CDHR2: variants seen among roughly 807,000 people sequenced by gnomAD.
The protein encoded by CDHR2 is cadherin-related family member 2.
In CDHR2, 104 loss-of-function variants were observed where a neutral mutation model predicts 138.6. The ratio of observed to expected loss-of-function variants is 0.75; its 90% confidence interval spans 0.64 to 0.88. The LOEUF is 0.88. Ranked by LOEUF, CDHR2 falls within the 40% of genes least tolerant of loss-of-function variation. CDHR2 has a pLI of 0.00. For missense variants in CDHR2, 1,624 were observed against 1,727.6 expected, an observed-to-expected ratio of 0.94 and a Z score of 1.06; for synonymous variants, 755 against 742.8, an observed-to-expected ratio of 1.02 and a Z score of -0.27.
intron 14 of CDHR2, 56 bp downstream of exon 14, chr5:176,577,854 G>T (rs1758432051): frequency 2.2e-5 from 33 of 1,529,810 alleles, no homozygotes; most frequent in Non-Finnish European, 2.9e-5. Context: ...GCGTGCATGT[G>T]TGAGTGTGAG....
Position 176,568,803 on chromosome 5 carries a change from G to A in CDHR2, c.250G>A (p.Ala84Thr), listed in dbSNP as rs373225847. Reference protein sequence around the residue: ...PKTGEVKLASALDYETLYTFK... With the variant: ...PKTGEVKLASTLDYETLYTFK... The stretch of plus-strand genomic sequence containing the variant: ...AACTGGGGAAGTGAAGCTGGCCAGC[G>A]CTCTGGACTACGAGGTAAAGAGCAT... Residue 84 changes from alanine to threonine, a missense_variant, in exon 4 of 32, where the codon GCT (alanine) becomes ACT (threonine). Ala to Thr is a moderately conservative substitution (Grantham distance 58). This residue lies in a region of CDHR2 where 1,061 missense variants were observed against 1,136.6 expected (regional missense o/e 0.93). Transcript: ENST00000261944. 34 of 1,614,042 alleles carry A rather than the reference G, an allele frequency of 2.1e-5. No individual in the cohort carries two copies. The African/African-American group carries it at 3.2e-4, about 15-fold the overall frequency.
rs747704946 is a variant in CDHR2, at chr5:176,575,394, T to A, written c.736T>A (p.Tyr246Asn). 4 of 1,614,224 alleles carry A rather than the reference T, an allele frequency of 2.5e-6. No individual in the cohort carries two copies. Among genetic ancestry groups the A allele is most frequent in the Non-Finnish European group, 3.4e-6 (4 of 1,180,040 alleles). The change falls in exon 9 of 32, where the codon TAC becomes AAC. Residue 246 changes from tyrosine (Y) to asparagine (N), a missense_variant. By Grantham distance (143) the Tyr-to-Asn change is moderately radical. Around this residue, in one of 3 missense-constraint regions of CDHR2, gnomAD observed 1,061 missense variants for 1,136.6 expected, o/e 0.93. Transcript: ENST00000261944. ...TGACCCCCAGTTTGTCAGGGAGTTTTACTCGGCCTCTGTGGCTGAGGATGC... is the reference window on the plus strand; with the variant it reads ...TGACCCCCAGTTTGTCAGGGAGTTTAACTCGGCCTCTGTGGCTGAGGATGC... Reference protein sequence around the residue: ...DLDPQFVREFYSASVAEDAAK... With the variant: ...DLDPQFVREFNSASVAEDAAK...
At position 176,574,076 on chromosome 5, in the gene CDHR2, C is replaced by T. The variant is rs1758297694; in HGVS notation, c.406-7C>T. 6.2e-7 allele frequency: 1 copy of T among 1,612,340 alleles called. No homozygotes were observed. The highest frequency in any genetic ancestry group is 1.7e-4 in the Middle Eastern group (1 of 6,058). On this transcript the variant is annotated splice_polypyrimidine_tract_variant and splice_region_variant and intron_variant, in intron 6 of 31. Coordinates refer to ENST00000261944, the MANE Select transcript of CDHR2 (RefSeq NM_017675.6). ...TGAGCTCATAGGTGACGAGTCCCTC[C>T]CTGCAGACCCTGCCCGTGGGCAGTG...
exon 1 of CDHR2, chr5:176,542,602 C>T (rs1283065159): frequency 6.6e-6 from 1 of 152,182 alleles, no homozygotes; most frequent in Non-Finnish European, 1.5e-5. Flanking sequence ...CAAGTCTACC[C>T]GAATCCCCCA....
At position 176,586,857 on chromosome 5, in the gene CDHR2, C is replaced by G. The variant is rs1758684258; in HGVS notation, c.2856+15C>G. The stretch of plus-strand genomic sequence containing the variant: ...CTTCTGTCCGGGTAAGTTCTTGGCT[C>G]CAGCCTTTGTTGGTCATATGAGCCC... On this transcript the variant is annotated intron_variant, in intron 21 of 31. Transcript: ENST00000261944. The G allele has an allele frequency of 6.2e-7, 1 of 1,604,884 alleles. No homozygotes were observed. The highest frequency in any genetic ancestry group is 1.1e-5 in the South Asian group (1 of 89,120).
rs941027858 is a variant in CDHR2 at position 176,568,794 on chromosome 5, C to G, written c.241C>G (p.Leu81Val). The change falls in exon 4 of 32, where the codon CTG becomes GTG. Residue 81 changes from leucine to valine, a missense_variant. Around this residue, in one of 3 missense-constraint regions of CDHR2, gnomAD observed 1,061 missense variants for 1,136.6 expected, o/e 0.93. Coordinates refer to ENST00000261944, the MANE Select transcript of CDHR2 (RefSeq NM_017675.6). ...CACTCCGAAAACTGGGGAAGTGAAG[C>G]TGGCCAGCGCTCTGGACTACGAGGT... ...AVTPKTGEVK[L>V]ASALDYETLY... 2.5e-6 allele frequency: 4 copies of G among 1,614,090 alleles called. No homozygotes were observed. In the African/African-American group the frequency reaches 5.3e-5, roughly 22 times the overall value.
chr5:176,587,342 G>A (rs1309989527), intron 21 of CDHR2, among the ~76,000 whole-genome samples: 3 of 152,190 alleles, frequency 2.0e-5, no homozygotes, highest in African/African-American at 7.2e-5. Flanking sequence ...CAGCTACTTG[G>A]GAGGCTGAGG....
Position 176,590,573 on chromosome 5 carries a change from A to G in CDHR2, c.3425A>G (p.Glu1142Gly). The G allele has an allele frequency of 6.2e-7, 1 of 1,614,074 alleles. No individual in the cohort carries two copies. Among genetic ancestry groups the G allele is most frequent in the Non-Finnish European group, 8.5e-7 (1 of 1,180,002 alleles). The change falls in exon 28 of 32, where the codon GAG becomes GGG. Residue 1142 changes from glutamate to glycine, a missense_variant. Glu to Gly is a moderately conservative substitution (Grantham distance 98, BLOSUM62 -2). Around this residue, in one of 3 missense-constraint regions of CDHR2, gnomAD observed 556 missense variants for 565.7 expected, o/e 0.98. Coordinates refer to ENST00000261944, the MANE Select transcript of CDHR2 (RefSeq NM_017675.6). ...CTCATCTTTCTCCAGGGCTCCCAGG[A>G]GAGCCAGGAGTCAGACCTGTCGAAA... is the stretch of plus-strand genomic sequence containing the variant. Reference protein sequence around the residue: ...QLGLVVLGSQESQESDLSKQL... With the variant: ...QLGLVVLGSQGSQESDLSKQL...
intron 1 of CDHR2, among the ~76,000 whole-genome samples, chr5:176,559,314 T>C (rs1757913851): frequency 6.6e-6 from 1 of 152,202 alleles, no homozygotes; most frequent in Non-Finnish European, 1.5e-5. Context: ...CACACATAGC[T>C]CCATTAACTC....
At chr5:176,595,323 C>T (rs74760978) in intron 31 of CDHR2, among the ~76,000 whole-genome samples, 2,409 of 152,274 alleles carry the variant, frequency 0.016, 77 homozygotes, top group African/African-American at 0.055. Flanking sequence ...ATCCCCCAGG[C>T]CACACCCTCC....
chr5:176,595,688 T>G lies in CDHR2; in HGVS notation c.*16T>G. ...GGACCTGTGACAGGGGCCCCCACTC[T>G]TCTGGACCCCTTGAAGAGGCCCTAC... On this transcript the variant is annotated 3_prime_UTR_variant, in exon 32 of 32. Transcript: ENST00000261944. 1 of 1,556,178 alleles carries G rather than the reference T, an allele frequency of 6.4e-7. No individual in the cohort carries two copies. The highest frequency in any genetic ancestry group is 2.3e-5 in the East Asian group (1 of 42,652).
At position 176,553,318 on chromosome 5, in the gene CDHR2, G is replaced by A. The variant is rs746400263; in HGVS notation, c.-16+3904G>A. 1.3e-5 allele frequency among the ~76,000 whole-genome samples: 2 copies of A among 152,308 alleles called. No homozygotes were observed. Among genetic ancestry groups the A allele is most frequent in the East Asian group, 3.9e-4 (2 of 5,180 alleles). ...GGCCGCGCCCTTTCCCCTCTTGGAC[G>A]TCAGTTTGCTGAGGACTAAATGGTA... On this transcript the variant is annotated intron_variant, in intron 1 of 31. Coordinates refer to ENST00000261944, the MANE Select transcript of CDHR2 (RefSeq NM_017675.6). This position sits in a 1 kb window ranked among gnomAD's most constrained non-coding sequence, Gnocchi z 4.3.
At position 176,576,211 on chromosome 5, in the gene CDHR2, CG is replaced by C; in HGVS notation, c.1194+31del. On this transcript the variant is annotated intron_variant, in intron 12 of 31. Coordinates refer to ENST00000261944, the MANE Select transcript of CDHR2 (RefSeq NM_017675.6). The surrounding 1 kb of genome is among the most constrained non-coding windows in gnomAD (Gnocchi z 4.5). ...GCAGGCGTGGTGGCGTGGGTGTGGG[CG>C]GGGGTGGCTGGGGGAGGCCAGTGGG... The C allele has an allele frequency of 2.9e-6, 2 of 689,376 alleles. No homozygotes were observed. Among genetic ancestry groups the C allele is most frequent in the Non-Finnish European group, 4.9e-6 (2 of 408,694 alleles). The allele number at this position is 689,376 out of a possible 1,614,324, so 42.7% of individuals were successfully genotyped here.
In CDHR2 at chr5:176,576,199, C is replaced by T. The variant is rs75638454; in HGVS notation, c.1194+14C>T. The stretch of plus-strand genomic sequence containing the variant: ...GACCCGGACAAGGCAGGCGTGGTGG[C>T]GTGGGTGTGGGCGGGGGTGGCTGGG... On this transcript the variant is annotated intron_variant, in intron 12 of 31. Transcript: ENST00000261944. The surrounding 1 kb of genome is among the most constrained non-coding windows in gnomAD (Gnocchi z 4.5). 4,849 of 1,111,694 alleles carry T rather than the reference C, an allele frequency of 4.4e-3. 135 individuals are homozygous for T. The African/African-American group carries it at 0.067, about 15-fold the overall frequency. The allele number at this position is 1,111,694 out of a possible 1,614,324, so 68.9% of individuals were successfully genotyped here.
At position 176,575,161 on chromosome 5, in the gene CDHR2, C is replaced by G; in HGVS notation, c.573C>G (p.Leu191=). The part of the protein sequence containing the change: ...ANGSIVLNGS[L]SYNNKSAFYQ... ...GCTCCATAGTCCTCAATGGCAGCCT[C>G]AGCTACAACAACAAGAGCGCTTTCT... The change falls in exon 8 of 32, where the codon CTC becomes CTG. Residue 191 remains leucine, a synonymous_variant. Coordinates refer to ENST00000261944, the MANE Select transcript of CDHR2 (RefSeq NM_017675.6). 1 of 1,614,218 alleles carries G rather than the reference C, an allele frequency of 6.2e-7. No individual in the cohort carries two copies. The highest frequency in any genetic ancestry group is 8.5e-7 in the Non-Finnish European group (1 of 1,180,046).
At chr5:176,559,116 C>G (rs542982745) in intron 1 of CDHR2, among the ~76,000 whole-genome samples, 1 of 152,308 alleles carries the variant, frequency 6.6e-6, no homozygotes, top group Admixed American at 6.5e-5. Flanking sequence ...AACAAAGTAT[C>G]TCCAGGTTCC....
Position 176,590,759 on chromosome 5 carries a change from G to A in CDHR2, c.3539+72G>A, listed in dbSNP as rs773465116. 2.4e-4 allele frequency: 383 copies of A among 1,600,624 alleles called. No individual in the cohort carries two copies. In the Middle Eastern group the frequency reaches 9.7e-3, roughly 40 times the overall value. On this transcript the variant is annotated intron_variant, in intron 28 of 31. Coordinates refer to ENST00000261944, the MANE Select transcript of CDHR2 (RefSeq NM_017675.6). ...CCACCCAAGACGTCGGGGGGTAGGG[G>A]TAGAAGGAGCTGGGGCTTAGGCACA... is the stretch of plus-strand genomic sequence containing the variant.
Position 176,595,754 on chromosome 5 carries a change from AT to A in CDHR2, c.*83del. 6.0e-6 allele frequency: 8 copies of A among 1,325,530 alleles called. No homozygotes were observed. Among genetic ancestry groups the A allele is most frequent in the Non-Finnish European group, 8.0e-6 (8 of 994,610 alleles). The allele number at this position is 1,325,530 out of a possible 1,614,324, so 82.1% of individuals were successfully genotyped here. On this transcript the variant is annotated 3_prime_UTR_variant, in exon 32 of 32. Transcript: ENST00000261944. ...CCTGTCTCCCTGGAGATGAAAATAT[AT>A]GACGCTGCCCTGCCTCCTGCTTTTG... is the stretch of plus-strand genomic sequence containing the variant.
intron 31 of CDHR2, among the ~76,000 whole-genome samples, chr5:176,593,173 A>G (rs909129198): frequency 3.3e-5 from 5 of 152,232 alleles, no homozygotes; most frequent in African/African-American, 1.2e-4. Flanking sequence ...CCAGAGGTGA[A>G]CCAGCATAGT....
Sources: gnomAD v4.1 joint callset for allele counts (sites outside exome capture counted in the v4.1 genomes callset) on GRCh38, gnomAD v4.1.1 for gene constraint, gnomAD v4.1.1 regional missense constraint, Gnocchi (gnomAD v3.1) non-coding constraint, MANE v1.5 for transcripts, NCBI Gene and HGNC (gene_info 2026-07-23, HGNC 2026-07-21) for gene names.